Variants in SHROOM3 observed in about 807,000 individuals in gnomAD.
SHROOM3 encodes the protein shroom family member 3, also known as protein Shroom3.
A neutral mutation model predicts 138.6 loss-of-function variants in SHROOM3; 47 were observed. The observed-to-expected ratio is 0.34, with a 90% CI of 0.27 to 0.43. The LOEUF is 0.43. Ranked by LOEUF, SHROOM3 falls within the 20% of genes least tolerant of loss-of-function variation. The pLI is 1.00. For missense variants in SHROOM3, 2,491 were observed against 2,596.5 expected (o/e 0.96, Z 0.88); for synonymous variants, 1,062 against 1,063.3 (o/e 1.00, Z 0.02).
In SHROOM3 at chr4:76,488,218, T is replaced by C. The variant is rs563426262; in HGVS notation, c.168+51998T>C. ...GGGTTCACTAACAGACTAAGGACCA[T>C]CAGAAAGATTTTTTTAAATAGACCA... On this transcript the variant is annotated intron_variant, in intron 1 of 10. Transcript: ENST00000296043. 9.2e-5 allele frequency among the ~76,000 whole-genome samples: 14 copies of C among 152,300 alleles called. No homozygotes were observed. The South Asian group carries it at 2.9e-3, about 32-fold the overall frequency.
intron 1 of SHROOM3, among the ~76,000 whole-genome samples, chr4:76,476,691 T>C (rs1426589383): frequency 6.6e-6 from 1 of 152,232 alleles, no homozygotes; most frequent in Non-Finnish European, 1.5e-5. Flanking sequence ...TAAAACATTT[T>C]CCTTTTTCTT....
At chr4:76,485,064 A>G (rs1190329993) in intron 1 of SHROOM3, among the ~76,000 whole-genome samples, 1 of 152,218 alleles carries the variant, frequency 6.6e-6, no homozygotes, top group African/African-American at 2.4e-5. Flanking sequence ...CACATGGGAA[A>G]CACACTGTTG....
chr4:76,585,383 G>A (rs949938468), intron 2 of SHROOM3, among the ~76,000 whole-genome samples: 1 of 152,130 alleles, frequency 6.6e-6, no homozygotes, highest in African/African-American at 2.4e-5. Context: ...CACTCTTGGA[G>A]TCCCATTTTC....
At chr4:76,572,511 G>C (rs1733852693) in intron 2 of SHROOM3, among the ~76,000 whole-genome samples, 1 of 152,204 alleles carries the variant, frequency 6.6e-6, no homozygotes, top group African/African-American at 2.4e-5. Flanking sequence ...GTCAATGATG[G>C]TGGGCCAGGG....
intron 1 of SHROOM3, among the ~76,000 whole-genome samples, chr4:76,492,092 GT>G (rs1731865764): frequency 6.6e-6 from 1 of 152,192 alleles, no homozygotes; most frequent in Non-Finnish European, 1.5e-5. Flanking sequence ...GGTTTCAATA[GT>G]GCAATGTGCT....
At chr4:76,489,330 A>G (rs1446208491) in intron 1 of SHROOM3, among the ~76,000 whole-genome samples, 1 of 152,202 alleles carries the variant, frequency 6.6e-6, no homozygotes, top group East Asian at 1.9e-4. Context: ...TCAAATTAAG[A>G]GCAGTTAAAA....
chr4:76,611,765 C>G (rs1734767046), intron 2 of SHROOM3, among the ~76,000 whole-genome samples: 1 of 152,178 alleles, frequency 6.6e-6, no homozygotes, highest in African/African-American at 2.4e-5. Context: ...ACATGCCCAG[C>G]CTCTGGATCA....
intron 9 of SHROOM3, among the ~76,000 whole-genome samples, chr4:76,764,694 G>T (rs1229921727): frequency 6.6e-6 from 1 of 152,038 alleles, no homozygotes; most frequent in Non-Finnish European, 1.5e-5. Context: ...TGCTTCCATG[G>T]TTTCTAATGA....
At position 76,460,706 on chromosome 4, in the gene SHROOM3, A is replaced by G. The variant is rs1229113907; in HGVS notation, c.168+24486A>G. The stretch of plus-strand genomic sequence containing the variant: ...CTGTATATCCAAATTTCCTCTTAGA[A>G]GAGGCCACTAGTGGTAGCTCACACC... On this transcript the variant is annotated intron_variant, in intron 1 of 10. Coordinates refer to ENST00000296043, the MANE Select transcript of SHROOM3 (RefSeq NM_020859.4). Among the ~76,000 whole-genome samples the G allele has an allele frequency of 1.3e-5, 2 of 151,622 alleles. 1 individual carries two copies. The highest frequency in any genetic ancestry group is 2.9e-5 in the Non-Finnish European group (2 of 67,926).
chr4:76,546,305 A>C (rs1733216557), intron 1 of SHROOM3, among the ~76,000 whole-genome samples: 1 of 152,220 alleles, frequency 6.6e-6, no homozygotes, highest in Non-Finnish European at 1.5e-5. Flanking sequence ...CCAAATAGGA[A>C]TGTTCAACAG....
chr4:76,440,147 C>G (rs767528836), intron 1 of SHROOM3, among the ~76,000 whole-genome samples: 1 of 152,166 alleles, frequency 6.6e-6, no homozygotes. Flanking sequence ...CAGCAACTGC[C>G]GGTACTTATT....
intron 3 of SHROOM3, among the ~76,000 whole-genome samples, chr4:76,718,288 T>C (rs1720433757): frequency 6.6e-6 from 1 of 152,184 alleles, no homozygotes; most frequent in African/African-American, 2.4e-5. Context: ...TCTCCCAAAG[T>C]GTCAGCTTCT....
chr4:76,568,008 A>T (rs1225081212), intron 2 of SHROOM3, among the ~76,000 whole-genome samples: 1 of 152,068 alleles, frequency 6.6e-6, no homozygotes, highest in African/African-American at 2.4e-5. Flanking sequence ...TCCATTTTAC[A>T]TCGCAGTCCC....
intron 2 of SHROOM3, among the ~76,000 whole-genome samples, chr4:76,631,198 T>C (rs2110072938): frequency 7.7e-6 from 1 of 129,634 alleles, no homozygotes; most frequent in African/African-American, 2.9e-5. Flanking sequence ...TGACTTTTTT[T>C]TAATCTTTTT....
At chr4:76,569,731 T>C (rs1733797875) in intron 2 of SHROOM3, among the ~76,000 whole-genome samples, 1 of 152,110 alleles carries the variant, frequency 6.6e-6, no homozygotes, top group Admixed American at 6.5e-5. Context: ...GTGTGGTCTT[T>C]AGACAACTTG....
rs752962385 is a variant in SHROOM3, at chr4:76,741,101, C to T, written c.2928C>T (p.Ser976=). 1.1e-4 allele frequency: 168 copies of T among 1,547,378 alleles called. No homozygotes were observed. The highest frequency in any genetic ancestry group is 1.7e-4 in the Middle Eastern group (1 of 5,800). ...TGCGGAGCCCCGAGGCGTCGGCCTC[C>T]GCCTCCCCGCACACGCCCCGGGAGC... is the stretch of plus-strand genomic sequence containing the variant. ...VGLRSPEASA[S]ASPHTPRERH... The change falls in exon 5 of 11, where the codon TCC becomes TCT. Residue 976 remains serine (S), a synonymous_variant. Transcript: ENST00000296043. This position sits in a 1 kb window ranked among gnomAD's most constrained non-coding sequence, Gnocchi z 6.2.
At chr4:76,532,337 C>G (rs1167586954) in intron 1 of SHROOM3, 1 of 152,328 alleles carries the variant, frequency 6.6e-6, no homozygotes, top group Non-Finnish European at 1.5e-5. Flanking sequence ...CCAAGTTGCT[C>G]TTTAAGGCAT....
At chr4:76,694,006 T>C (rs1719650167) in intron 2 of SHROOM3, among the ~76,000 whole-genome samples, 1 of 152,018 alleles carries the variant, frequency 6.6e-6, no homozygotes, top group Non-Finnish European at 1.5e-5. Flanking sequence ...TCTATCAAAA[T>C]TAACGTCATG....
intron 2 of SHROOM3, among the ~76,000 whole-genome samples, chr4:76,672,706 G>A (rs1577965536): frequency 6.6e-6 from 1 of 152,204 alleles, no homozygotes. Context: ...CTGAGTAGTT[G>A]GGACTACAGG....
Sources: gnomAD v4.1 joint callset for allele counts (sites outside exome capture counted in the v4.1 genomes callset) on GRCh38, gnomAD v4.1.1 for gene constraint, Gnocchi (gnomAD v3.1) non-coding constraint, MANE v1.5 for transcripts, NCBI Gene and HGNC (gene_info 2026-07-23, HGNC 2026-07-21) for gene names.